Variants in NDUFS4 observed in about 807,000 individuals in gnomAD.
The protein encoded by NDUFS4 is NADH dehydrogenase [ubiquinone] iron-sulfur protein 4, mitochondrial.
In NDUFS4, 28 loss-of-function variants were observed where a neutral mutation model predicts 24.3. The observed-to-expected ratio is 1.15, with a 90% CI of 0.85 to 1.58. The LOEUF (loss-of-function observed/expected upper bound fraction) is 1.58, where lower values mean the gene tolerates loss of function less well. NDUFS4 is among the 40% of genes most tolerant of loss of function. The pLI is 0.00. For synonymous variants in NDUFS4, 93 were observed against 69.7 expected, an observed-to-expected ratio of 1.34 and a Z score of -1.67; for missense variants, 223 against 207.9, an observed-to-expected ratio of 1.07 and a Z score of -0.45.
intron 4 of NDUFS4, among the ~76,000 whole-genome samples, chr5:53,682,342 G>A (rs1242200200): frequency 6.6e-6 from 1 of 151,862 alleles, no homozygotes; most frequent in African/African-American, 2.4e-5. Context: ...ATACTCAGAA[G>A]AGAATAGACA....
chr5:53,666,949 A>T (rs1654720151), intron 4 of NDUFS4, among the ~76,000 whole-genome samples: 1 of 151,988 alleles, frequency 6.6e-6, no homozygotes, highest in South Asian at 2.1e-4. Flanking sequence ...ATAATAAATA[A>T]ATAAATAGAA....
At chr5:53,664,401 T>C (rs557382482) in intron 4 of NDUFS4, among the ~76,000 whole-genome samples, 10 of 150,420 alleles carry the variant, frequency 6.6e-5, no homozygotes, top group Admixed American at 1.3e-4. Context: ...GGGGAAGTTC[T>C]CCTGGATAAT....
chr5:53,659,587 A>G (rs1309866060), intron 4 of NDUFS4, among the ~76,000 whole-genome samples: 2 of 152,152 alleles, frequency 1.3e-5, no homozygotes, highest in Non-Finnish European at 2.9e-5. Flanking sequence ...TGTCTTCCTT[A>G]GATTCAAATG....
At chr5:53,598,796 C>T (rs928396120) in intron 1 of NDUFS4, among the ~76,000 whole-genome samples, 3 of 152,160 alleles carry the variant, frequency 2.0e-5, no homozygotes, top group African/African-American at 7.2e-5. Context: ...TTCAGGATAT[C>T]TCTTTTTCTT....
intron 3 of NDUFS4, among the ~76,000 whole-genome samples, chr5:53,653,005 G>A (rs189239957): frequency 6.6e-6 from 1 of 151,362 alleles, no homozygotes; most frequent in African/African-American, 2.4e-5. Flanking sequence ...ATTTCTGTAA[G>A]CAGGACTTTA....
chr5:53,680,865 A>C (rs1483387349), intron 4 of NDUFS4, among the ~76,000 whole-genome samples: 1 of 151,986 alleles, frequency 6.6e-6, no homozygotes, highest in African/African-American at 2.4e-5. Context: ...AATACATTTC[A>C]AGCACTCAGC....
At chr5:53,566,001 G>A (rs979814768) in intron 1 of NDUFS4, among the ~76,000 whole-genome samples, 9 of 151,410 alleles carry the variant, frequency 5.9e-5, no homozygotes, top group Non-Finnish European at 1.3e-4. Context: ...GTGAAACCCC[G>A]TCTCCACTAA....
intron 1 of NDUFS4, among the ~76,000 whole-genome samples, chr5:53,581,206 C>A (rs1199692459): frequency 6.6e-6 from 1 of 152,044 alleles, no homozygotes; most frequent in Non-Finnish European, 1.5e-5. Context: ...GTGTATTATT[C>A]TTCTCTCCTT....
intron 2 of NDUFS4, among the ~76,000 whole-genome samples, chr5:53,637,552 T>C (rs922144676): frequency 1.3e-5 from 2 of 152,116 alleles, no homozygotes; most frequent in African/African-American, 2.4e-5. Flanking sequence ...AGGGGGAGAA[T>C]TTTTTCCATT....
At chr5:53,563,089 C>G (rs10940322) in intron 1 of NDUFS4, among the ~76,000 whole-genome samples, 1 of 144,562 alleles carries the variant, frequency 6.9e-6, no homozygotes, top group Non-Finnish European at 1.6e-5. Flanking sequence ...ATTAGCCAGG[C>G]GTGGCAGCGT....
At chr5:53,578,893 T>TTA (rs1280488294) in intron 1 of NDUFS4, among the ~76,000 whole-genome samples, 1 of 152,220 alleles carries the variant, frequency 6.6e-6, no homozygotes, top group Non-Finnish European at 1.5e-5. Context: ...TTCGTCTTAC[T>TTA]TATTTGCAGT....
intron 4 of NDUFS4, among the ~76,000 whole-genome samples, chr5:53,665,812 C>T (rs755881871): frequency 5.3e-4 from 81 of 152,322 alleles, no homozygotes; most frequent in Non-Finnish European, 6.0e-4. Flanking sequence ...GGCTCACACT[C>T]GGTGTGCTCC....
At chr5:53,615,731 T>C (rs1264272974) in intron 2 of NDUFS4, among the ~76,000 whole-genome samples, 1 of 152,098 alleles carries the variant, frequency 6.6e-6, no homozygotes, top group African/African-American at 2.4e-5. Context: ...TATTTCATGT[T>C]AGTTGATGAG....
chr5:53,613,853 T>A (rs1311819806), intron 2 of NDUFS4, among the ~76,000 whole-genome samples: 2 of 151,958 alleles, frequency 1.3e-5, no homozygotes, highest in Non-Finnish European at 2.9e-5. Context: ...AATACCAGAC[T>A]CAAGTAATGG....
At chr5:53,564,677 C>G (rs1404257844) in intron 1 of NDUFS4, among the ~76,000 whole-genome samples, 1 of 152,084 alleles carries the variant, frequency 6.6e-6, no homozygotes, top group Non-Finnish European at 1.5e-5. Flanking sequence ...GCAGCTGGGA[C>G]TGTAGGTGTG....
chr5:53,634,025 C>T (rs1751480290), intron 2 of NDUFS4, among the ~76,000 whole-genome samples: 1 of 152,178 alleles, frequency 6.6e-6, no homozygotes, highest in African/African-American at 2.4e-5. Context: ...CGTGTACATT[C>T]TTGCATTATA....
At chr5:53,635,704 C>T (rs958488630) in intron 2 of NDUFS4, among the ~76,000 whole-genome samples, 6 of 152,072 alleles carry the variant, frequency 3.9e-5, no homozygotes, top group African/African-American at 1.4e-4. Flanking sequence ...TTCATCTAGG[C>T]ATTGATCCTT....
At chr5:53,603,940 A>G (rs1226555553) in intron 2 of NDUFS4, among the ~76,000 whole-genome samples, 2 of 152,176 alleles carry the variant, frequency 1.3e-5, no homozygotes, top group African/African-American at 4.8e-5. Context: ...CACTATATGT[A>G]TATATGTATA....
intron 2 of NDUFS4, among the ~76,000 whole-genome samples, chr5:53,635,316 A>T (rs978594217): frequency 2.6e-5 from 4 of 151,780 alleles, no homozygotes; most frequent in Non-Finnish European, 5.9e-5. Flanking sequence ...GTTCGAGACC[A>T]GCCTAGGCAA....
Sources: gnomAD v4.1 joint callset for allele counts (sites outside exome capture counted in the v4.1 genomes callset) on GRCh38, gnomAD v4.1.1 for gene constraint, MANE v1.5 for transcripts, NCBI Gene and HGNC (gene_info 2026-07-23, HGNC 2026-07-21) for gene names.